PCED1B: variants seen among roughly 807,000 people sequenced by gnomAD.
PCED1B encodes the protein PC-esterase domain containing 1B, also known as PC-esterase domain-containing protein 1B.
For missense variants in PCED1B, 573 were observed against 573.9 expected, an observed-to-expected ratio of 1.00 and a Z score of 0.02; for synonymous variants, 251 against 246.1, an observed-to-expected ratio of 1.02 and a Z score of -0.19.
chr12:47,173,647 G>C (rs1180899190), intron 2 of PCED1B, among the ~76,000 whole-genome samples: 1 of 152,058 alleles, frequency 6.6e-6, no homozygotes, highest in Non-Finnish European at 1.5e-5. Context: ...ATTTATAACG[G>C]AAGTTGGGCC....
At chr12:47,151,201 A>G (rs916164672) in intron 2 of PCED1B, among the ~76,000 whole-genome samples, 1 of 152,018 alleles carries the variant, frequency 6.6e-6, no homozygotes, top group Non-Finnish European at 1.5e-5. Context: ...ACAACATTTT[A>G]GTCAATGATG....
At chr12:47,200,781 TA>T (rs1214302150) in intron 2 of PCED1B, among the ~76,000 whole-genome samples, 2 of 152,206 alleles carry the variant, frequency 1.3e-5, no homozygotes, top group Non-Finnish European at 2.9e-5. Flanking sequence ...CCAGTAACGC[TA>T]GGCCATGTCA....
chr12:47,196,094 ATAACACTATGTTACAAAAT>A (rs1942595007), intron 2 of PCED1B, among the ~76,000 whole-genome samples: 1 of 152,260 alleles, frequency 6.6e-6, no homozygotes, highest in East Asian at 1.9e-4. Context: ...ACTATTACAT[ATAACACTATGTTACAAAAT>A]TTGAATATAT....
At chr12:47,217,124 C>T (rs773828177) in intron 3 of PCED1B, among the ~76,000 whole-genome samples, 23 of 152,090 alleles carry the variant, frequency 1.5e-4, no homozygotes, top group Middle Eastern at 3.4e-3. Flanking sequence ...ATATGTAGTC[C>T]AGGTGCGGTG....
rs1273217676 is a variant in PCED1B, at chr12:47,079,651, A to AGCCCTGGACGCAGCAGCC, written c.-682_-665dup. 2.0e-5 allele frequency: 3 copies of AGCCCTGGACGCAGCAGCC among 152,246 alleles called. No homozygotes were observed. The highest frequency in any genetic ancestry group is 2.0e-4 in the Admixed American group (3 of 15,286). The allele number at this position is 152,246 out of a possible 1,614,324, so 9.4% of individuals were successfully genotyped here. On this transcript the variant is annotated 5_prime_UTR_variant, in exon 1 of 4. Transcript: ENST00000546455. ...TTCAAGCAGCCGCGGCGGCAGCAGC[A>AGCCCTGGACGCAGCAGCC]GCCCTGGACGCAGCAGCCAAGCTCT...
chr12:47,153,565 C>T (rs1941082451), intron 2 of PCED1B, among the ~76,000 whole-genome samples: 1 of 151,992 alleles, frequency 6.6e-6, no homozygotes, highest in African/African-American at 2.4e-5. Flanking sequence ...TGTTAAATAT[C>T]ATCAAAGGAA....
At chr12:47,225,300 T>A (rs1029518025) in intron 3 of PCED1B, among the ~76,000 whole-genome samples, 4 of 152,200 alleles carry the variant, frequency 2.6e-5, no homozygotes, top group Non-Finnish European at 5.9e-5. Context: ...TGTATTTTTT[T>A]ATTTGATCCT....
At chr12:47,155,998 T>G (rs1941180496) in intron 2 of PCED1B, among the ~76,000 whole-genome samples, 2 of 152,232 alleles carry the variant, frequency 1.3e-5, no homozygotes, top group Non-Finnish European at 2.9e-5. Flanking sequence ...TAATGCTTTG[T>G]GAAACTGCAA....
At chr12:47,126,868 G>T (rs1460793157) in intron 2 of PCED1B, among the ~76,000 whole-genome samples, 1 of 152,000 alleles carries the variant, frequency 6.6e-6, no homozygotes, top group Non-Finnish European at 1.5e-5. Context: ...TCCTGATGTT[G>T]GTCACTTGTT....
intron 2 of PCED1B, among the ~76,000 whole-genome samples, chr12:47,187,028 C>T (rs1942292381): frequency 6.6e-6 from 1 of 152,202 alleles, no homozygotes; most frequent in African/African-American, 2.4e-5. Flanking sequence ...CCTGAACACA[C>T]TGAAAGAAGG....
At chr12:47,098,551 G>A (rs1285878934) in intron 1 of PCED1B, among the ~76,000 whole-genome samples, 1 of 152,088 alleles carries the variant, frequency 6.6e-6, no homozygotes, top group Non-Finnish European at 1.5e-5. Context: ...GGCACAATCT[G>A]GGCTCACTGC....
chr12:47,123,835 T>C (rs994562064), intron 2 of PCED1B, among the ~76,000 whole-genome samples: 1 of 152,214 alleles, frequency 6.6e-6, no homozygotes, highest in East Asian at 1.9e-4. Context: ...ATTTTCGTTG[T>C]AACTTGGCCT....
chr12:47,226,467 G>A (rs763195423), intron 3 of PCED1B, among the ~76,000 whole-genome samples: 28 of 152,072 alleles, frequency 1.8e-4, no homozygotes, highest in Non-Finnish European at 3.4e-4. Flanking sequence ...TCCGCCTCCT[G>A]GGTTCAGGCA....
intron 2 of PCED1B, among the ~76,000 whole-genome samples, chr12:47,118,733 C>A (rs1029474143): frequency 6.6e-6 from 1 of 152,092 alleles, no homozygotes. Flanking sequence ...TGAAGAAAGT[C>A]ATTGGTAGCT....
intron 2 of PCED1B, among the ~76,000 whole-genome samples, chr12:47,172,148 T>G (rs1396944568): frequency 2.0e-5 from 3 of 152,156 alleles, no homozygotes; most frequent in African/African-American, 7.2e-5. Flanking sequence ...TTCTGATATT[T>G]GCATGTAGGT....
chr12:47,175,766 T>G (rs1195448243), intron 2 of PCED1B, among the ~76,000 whole-genome samples: 1 of 151,996 alleles, frequency 6.6e-6, no homozygotes, highest in Non-Finnish European at 1.5e-5. Context: ...GAGATAGGGT[T>G]TCACCATGTT....
At chr12:47,096,541 A>G (rs558987167) in intron 1 of PCED1B, among the ~76,000 whole-genome samples, 1 of 152,186 alleles carries the variant, frequency 6.6e-6, no homozygotes, top group African/African-American at 2.4e-5. Flanking sequence ...AAGCACATTG[A>G]GGGCAGAGGC....
intron 3 of PCED1B, chr12:47,224,111 C>T (rs1289041859): frequency 2.6e-5 from 4 of 152,150 alleles, no homozygotes; most frequent in Non-Finnish European, 4.4e-5. Flanking sequence ...TGATGCAAGA[C>T]CATCATGTAG....
chr12:47,229,776 C>CTT (rs111268333), intron 3 of PCED1B, among the ~76,000 whole-genome samples: 3 of 146,404 alleles, frequency 2.0e-5, no homozygotes, highest in East Asian at 2.0e-4. Context: ...CATTTCTTTT[C>CTT]TTTTTTTTTT....
Sources: allele counts gnomAD v4.1 joint callset (sites outside exome capture counted in the v4.1 genomes callset), GRCh38; gene constraint gnomAD v4.1.1; transcripts MANE v1.5; gene names NCBI Gene and HGNC (gene_info 2026-07-23, HGNC 2026-07-21).